Variants in GATA4 observed in about 807,000 individuals in gnomAD.
GATA4 encodes GATA binding protein 4.
A neutral mutation model predicts 37.9 loss-of-function variants in GATA4; 7 were observed. That is an observed-to-expected ratio of 0.18 (90% CI 0.11 to 0.35). The LOEUF is 0.35. Ranked by LOEUF, GATA4 falls within the 10% of genes least tolerant of loss-of-function variation. The probability of loss-of-function intolerance (pLI) is 1.00; values close to 1 mark genes in which losing one functional copy is unlikely to be tolerated. For synonymous variants in GATA4, 372 were observed against 292.6 expected (o/e 1.27, Z -2.77); for missense variants, 647 against 653.0 (o/e 0.99, Z 0.10).
intron 1 of GATA4, among the ~76,000 whole-genome samples, chr8:11,695,851 G>T (rs972818745): frequency 1.3e-5 from 2 of 152,224 alleles, no homozygotes; most frequent in African/African-American, 4.8e-5. Flanking sequence ...AGGCACTGGA[G>T]CTGTACCCAG....
chr8:11,750,591 T>C (rs1802253044), intron 4 of GATA4, among the ~76,000 whole-genome samples: 1 of 151,966 alleles, frequency 6.6e-6, no homozygotes, highest in South Asian at 2.1e-4. Flanking sequence ...TAAACAAAAA[T>C]AAACTTGGGT....
chr8:11,679,177 TG>T (rs1798873357), intron 1 of GATA4, among the ~76,000 whole-genome samples: 1 of 130,400 alleles, frequency 7.7e-6, no homozygotes, highest in Non-Finnish European at 1.6e-5. Flanking sequence ...TCCGAATAAT[TG>T]CGGGGGGGGG....
chr8:11,697,993 C>G (rs1055625780), intron 1 of GATA4: 10 of 985,364 alleles, frequency 1.0e-5, no homozygotes, highest in Non-Finnish European at 1.2e-5. Context: ...AACCACTGTC[C>G]TCCCCGGGAG....
intron 5 of GATA4, chr8:11,756,429 G>C (rs1489215478): frequency 1.4e-5 from 3 of 214,836 alleles, no homozygotes; most frequent in Non-Finnish European, 2.8e-5. Flanking sequence ...AGATAGAGAA[G>C]ACATACGGTT....
At chr8:11,684,054 T>G (rs1799062638) in intron 1 of GATA4, among the ~76,000 whole-genome samples, 1 of 152,238 alleles carries the variant, frequency 6.6e-6, no homozygotes, top group African/African-American at 2.4e-5. Context: ...GGGCAACCCA[T>G]GTCCTCAGCC....
chr8:11,723,429 T>A (rs1800768550), intron 2 of GATA4, among the ~76,000 whole-genome samples: 1 of 152,232 alleles, frequency 6.6e-6, no homozygotes, highest in Non-Finnish European at 1.5e-5. Flanking sequence ...GATTGTCCTA[T>A]CTTTGCTAGA....
chr8:11,686,574 C>T (rs932662952), intron 1 of GATA4, among the ~76,000 whole-genome samples: 11 of 152,214 alleles, frequency 7.2e-5, no homozygotes, highest in African/African-American at 2.7e-4. Flanking sequence ...AAGGCCGAGA[C>T]AGGCACCATA....
intron 2 of GATA4, among the ~76,000 whole-genome samples, chr8:11,723,164 T>G (rs1188257944): frequency 6.6e-6 from 1 of 152,002 alleles, no homozygotes; most frequent in African/African-American, 2.4e-5. Context: ...ATGAGCAACA[T>G]AGTGAGAGCC....
In GATA4 at chr8:11,749,285, G is replaced by A. The variant is rs774268933; in HGVS notation, c.786+200G>A. The stretch of plus-strand genomic sequence containing the variant: ...CCAGGCTGTCTAGTTCAACCTCTTC[G>A]GCACACAGAAACTGAAAGTGAGGCT... On this transcript the variant is annotated intron_variant, in intron 3 of 6. Transcript: ENST00000532059. This position sits in a 1 kb window ranked among gnomAD's most constrained non-coding sequence, Gnocchi z 4.6. Among the ~76,000 whole-genome samples, 5 of 152,258 alleles carry A rather than the reference G, an allele frequency of 3.3e-5. No individual in the cohort carries two copies. In the South Asian group the frequency reaches 1.0e-3, roughly 32 times the overall value.
intron 4 of GATA4, among the ~76,000 whole-genome samples, chr8:11,754,807 C>T (rs557545584): frequency 2.0e-5 from 3 of 152,286 alleles, no homozygotes; most frequent in Non-Finnish European, 4.4e-5. Context: ...CTTTAGTTCC[C>T]TATTCTCCAG....
chr8:11,747,714 G>A (rs980010657), intron 2 of GATA4, among the ~76,000 whole-genome samples: 1 of 152,160 alleles, frequency 6.6e-6, no homozygotes, highest in Non-Finnish European at 1.5e-5. Flanking sequence ...TAAGTAAGGA[G>A]CAGTGTTTAT....
chr8:11,742,816 G>A (rs1002637308), intron 2 of GATA4, among the ~76,000 whole-genome samples: 7 of 152,242 alleles, frequency 4.6e-5, no homozygotes, highest in African/African-American at 1.7e-4. Flanking sequence ...CGGGCCTGTC[G>A]GGAAATCCAG....
chr8:11,724,979 G>A (rs1489096793), intron 2 of GATA4, among the ~76,000 whole-genome samples: 5 of 152,258 alleles, frequency 3.3e-5, no homozygotes, highest in Non-Finnish European at 2.9e-5. Context: ...TGCCCCTCAT[G>A]CCCGCAGTGT....
chr8:11,717,953 G>T (rs1332481533), intron 2 of GATA4, among the ~76,000 whole-genome samples: 4 of 152,214 alleles, frequency 2.6e-5, no homozygotes, highest in Non-Finnish European at 5.9e-5. Context: ...AACTCTAGGG[G>T]AACTGTTGGC....
chr8:11,735,232 TAAAG>T (rs1801398727), intron 2 of GATA4, among the ~76,000 whole-genome samples: 1 of 152,246 alleles, frequency 6.6e-6, no homozygotes. Flanking sequence ...TCATATTTTT[TAAAG>T]AAAGCATTCA....
chr8:11,720,094 G>A (rs1800603793), intron 2 of GATA4, among the ~76,000 whole-genome samples: 1 of 151,694 alleles, frequency 6.6e-6, no homozygotes, highest in South Asian at 2.1e-4. Context: ...GAAACCCTGG[G>A]CTCCTCTCCC....
intron 2 of GATA4, among the ~76,000 whole-genome samples, chr8:11,729,912 T>TA (rs1451228566): frequency 6.7e-6 from 1 of 149,940 alleles, no homozygotes; most frequent in African/African-American, 2.4e-5. Context: ...TCCTACCACT[T>TA]ACTATTTGTT....
intron 1 of GATA4, among the ~76,000 whole-genome samples, chr8:11,685,850 A>C (rs1799117141): frequency 6.6e-6 from 1 of 152,178 alleles, no homozygotes; most frequent in Non-Finnish European, 1.5e-5. Context: ...TGCTGCAAAT[A>C]GAAGCTGATT....
At chr8:11,685,721 GTT>G in intron 1 of GATA4, among the ~76,000 whole-genome samples, 1 of 152,266 alleles carries the variant, frequency 6.6e-6, no homozygotes, top group South Asian at 2.1e-4. Context: ...AACCTTGAGT[GTT>G]TCTGAAATTG....
Sources: allele counts gnomAD v4.1 joint callset (sites outside exome capture counted in the v4.1 genomes callset), GRCh38; gene constraint gnomAD v4.1.1; non-coding constraint Gnocchi (gnomAD v3.1); transcripts MANE v1.5; gene names NCBI Gene and HGNC (gene_info 2026-07-23, HGNC 2026-07-21).